Variants in KIAA1958 observed in about 807,000 individuals in gnomAD.
KIAA1958 encodes the protein uncharacterized protein KIAA1958.
A neutral mutation model predicts 47.2 loss-of-function variants in KIAA1958; 14 were observed. The observed-to-expected ratio is 0.30, with a 90% CI of 0.20 to 0.46. KIAA1958 has a LOEUF of 0.46. Ranked by LOEUF, KIAA1958 falls within the 20% of genes least tolerant of loss-of-function variation. The pLI is 1.00. For missense variants in KIAA1958, 803 were observed against 909.2 expected, an observed-to-expected ratio of 0.88 and a Z score of 1.50; for synonymous variants, 354 against 353.3, an observed-to-expected ratio of 1.00 and a Z score of -0.02.
chr9:112,669,211 T>C lies in KIAA1958; in HGVS notation c.*9142T>C, dbSNP rs1421328066. 1 of 151,712 alleles carries C rather than the reference T, an allele frequency of 6.6e-6. No homozygotes were observed. Among genetic ancestry groups the C allele is most frequent in the Non-Finnish European group, 1.5e-5 (1 of 67,996 alleles). 9.4% of individuals were successfully genotyped at this position (151,712 alleles called of 1,614,324 possible). On this transcript the variant is annotated 3_prime_UTR_variant, in exon 4 of 4. Coordinates refer to ENST00000337530, the MANE Select transcript of KIAA1958 (RefSeq NM_133465.4). ...TATTTTCTGTCCTAGAGTGTCAGCG[T>C]TGGAAGGGATTTTTTTTTGTTCCTC...
chr9:112,615,652 C>T (rs1195464778), intron 2 of KIAA1958, among the ~76,000 whole-genome samples: 1 of 152,118 alleles, frequency 6.6e-6, no homozygotes, highest in Non-Finnish European at 1.5e-5. Context: ...GTCCTAAATT[C>T]AGAACACCCC....
At chr9:112,592,381 A>G (rs1835939996) in intron 2 of KIAA1958, among the ~76,000 whole-genome samples, 1 of 152,206 alleles carries the variant, frequency 6.6e-6, no homozygotes, top group Non-Finnish European at 1.5e-5. Context: ...AGAAAGAAGC[A>G]GTATAGCAGT....
chr9:112,496,142 T>G (rs1049079408), intron 1 of KIAA1958, among the ~76,000 whole-genome samples: 2 of 152,130 alleles, frequency 1.3e-5, no homozygotes, highest in African/African-American at 4.8e-5. Context: ...GCCACTAAAT[T>G]TTTAGGTGAT....
intron 2 of KIAA1958, among the ~76,000 whole-genome samples, chr9:112,621,746 G>C (rs1468237234): frequency 1.6e-5 from 2 of 124,184 alleles, no homozygotes; most frequent in African/African-American, 5.2e-5. Flanking sequence ...ATCAGTCTTT[G>C]TTTGTTTGTT....
chr9:112,497,139 A>G (rs188567903), intron 1 of KIAA1958, among the ~76,000 whole-genome samples: 1 of 152,350 alleles, frequency 6.6e-6, no homozygotes, highest in East Asian at 1.9e-4. Flanking sequence ...CAGTGGTAAC[A>G]TATTGCAAAA....
At chr9:112,644,841 A>C (rs1159968710) in intron 2 of KIAA1958, among the ~76,000 whole-genome samples, 2 of 152,090 alleles carry the variant, frequency 1.3e-5, no homozygotes, top group South Asian at 2.1e-4. Flanking sequence ...TTAAAAAAAA[A>C]ATGCTAACAC....
In KIAA1958 at chr9:112,667,202, A is replaced by G. The variant is rs148431360; in HGVS notation, c.*7133A>G. The G allele has an allele frequency of 6.6e-6, 1 of 152,236 alleles. No individual in the cohort carries two copies. Among genetic ancestry groups the G allele is most frequent in the African/African-American group, 2.4e-5 (1 of 41,456 alleles). The allele number at this position is 152,236 out of a possible 1,614,324, so 9.4% of individuals were successfully genotyped here. ...ATTTAACTGAAAAAGGGATTCAACA[A>G]ACATTCACATGAACAGGGTCTGGGA... On this transcript the variant is annotated 3_prime_UTR_variant, in exon 4 of 4. Transcript: ENST00000337530.
At chr9:112,545,827 T>TGTG (rs1835020597) in intron 1 of KIAA1958, among the ~76,000 whole-genome samples, 1 of 2,080 alleles carries the variant, frequency 4.8e-4, no homozygotes, top group African/African-American at 3.5e-3. Flanking sequence ...GTTTCTTTGT[T>TGTG]TTTTTTTTTT....
intron 1 of KIAA1958, among the ~76,000 whole-genome samples, chr9:112,530,000 C>T (rs1169350142): frequency 6.6e-6 from 1 of 152,104 alleles, no homozygotes; most frequent in Non-Finnish European, 1.5e-5. Context: ...CCCGCCACCA[C>T]GCCCAGCTAA....
chr9:112,583,945 G>A lies in KIAA1958; in HGVS notation c.1171+8694G>A, dbSNP rs1460911156. On this transcript the variant is annotated intron_variant, in intron 2 of 3. Transcript: ENST00000337530. Reference sequence around the variant, plus strand: ...AACATTTATTAAATCTGAGTGGTGGGCACTCAGCACTCTGGAAGGCTGAGG... The same window carrying A: ...AACATTTATTAAATCTGAGTGGTGGACACTCAGCACTCTGGAAGGCTGAGG... 3.9e-5 allele frequency among the ~76,000 whole-genome samples: 6 copies of A among 152,084 alleles called. No individual in the cohort carries two copies. In the East Asian group the frequency reaches 1.2e-3, roughly 29 times the overall value.
rs374095902 is a variant in KIAA1958 at position 112,537,349 on chromosome 9, C to T, written c.-24-36708C>T. On this transcript the variant is annotated intron_variant, in intron 1 of 3. Coordinates refer to ENST00000337530, the MANE Select transcript of KIAA1958 (RefSeq NM_133465.4). The stretch of plus-strand genomic sequence containing the variant: ...TTTGAACTCCTGAGCTCAAATGATC[C>T]GCCTGCCTCCCAAAGTGCTGGGATT... Among the ~76,000 whole-genome samples, 8 of 152,218 alleles carry T rather than the reference C, an allele frequency of 5.3e-5. No homozygotes were observed. The South Asian group carries it at 1.5e-3, about 28-fold the overall frequency.
At position 112,487,108 on chromosome 9, in the gene KIAA1958, G is replaced by C. The variant is rs1833868310; in HGVS notation, c.-35G>C. 1 of 213,664 alleles carries C rather than the reference G, an allele frequency of 4.7e-6. No individual in the cohort carries two copies. The highest frequency in any genetic ancestry group is 9.5e-6 in the Non-Finnish European group (1 of 105,554). 13.2% of individuals were successfully genotyped at this position (213,664 alleles called of 1,614,324 possible). ...CCGCGTTCCTATGGACAGACGCACA[G>C]ACACCTGCAGGTGGGTGAGAGCCCG... is the stretch of plus-strand genomic sequence containing the variant. On this transcript the variant is annotated 5_prime_UTR_variant, in exon 1 of 4. Coordinates refer to ENST00000337530, the MANE Select transcript of KIAA1958 (RefSeq NM_133465.4).
At chr9:112,614,631 A>G (rs777203044) in intron 2 of KIAA1958, among the ~76,000 whole-genome samples, 1 of 152,112 alleles carries the variant, frequency 6.6e-6, no homozygotes, top group Non-Finnish European at 1.5e-5. Context: ...TACCCTTTCA[A>G]CCTCTTCATG....
intron 1 of KIAA1958, among the ~76,000 whole-genome samples, chr9:112,571,298 A>G (rs570005834): frequency 1.1e-4 from 16 of 152,302 alleles, no homozygotes; most frequent in African/African-American, 3.9e-4. Flanking sequence ...TTAATTTCCA[A>G]ATAAAGACAA....
chr9:112,610,438 A>T (rs1049852088), intron 2 of KIAA1958, among the ~76,000 whole-genome samples: 1 of 152,164 alleles, frequency 6.6e-6, no homozygotes, highest in Non-Finnish European at 1.5e-5. Flanking sequence ...AAACTGGTAG[A>T]TAACCAAAAG....
intron 3 of KIAA1958, among the ~76,000 whole-genome samples, chr9:112,658,768 GC>G (rs1204708381): frequency 6.6e-6 from 1 of 151,676 alleles, no homozygotes; most frequent in East Asian, 1.9e-4. Context: ...GACCATCCTG[GC>G]TAACACTGTG....
intron 1 of KIAA1958, among the ~76,000 whole-genome samples, chr9:112,545,825 G>GTGTT (rs60211721): frequency 0.68 from 64,315 of 93,980 alleles, 23,217 homozygotes; most frequent in South Asian, 0.81. Context: ...AGGTTTCTTT[G>GTGTT]TTTTTTTTTT....
intron 2 of KIAA1958, among the ~76,000 whole-genome samples, chr9:112,611,242 C>G (rs1025633925): frequency 1.3e-5 from 2 of 151,898 alleles, no homozygotes; most frequent in Non-Finnish European, 2.9e-5. Context: ...ACTTAGAAAA[C>G]AAAACGCTAT....
chr9:112,509,998 C>T (rs1834296295), intron 1 of KIAA1958, among the ~76,000 whole-genome samples: 1 of 152,148 alleles, frequency 6.6e-6, no homozygotes, highest in African/African-American at 2.4e-5. Flanking sequence ...GGTTCATTAC[C>T]TTTGTGGGCA....
Sources: gnomAD v4.1 joint callset for allele counts (sites outside exome capture counted in the v4.1 genomes callset) on GRCh38, gnomAD v4.1.1 for gene constraint, MANE v1.5 for transcripts, NCBI Gene and HGNC (gene_info 2026-07-23, HGNC 2026-07-21) for gene names.